The following PALM2AKAP2 variants were observed in gnomAD, a reference collection of about 807,000 sequenced individuals.
PALM2AKAP2 encodes the protein PALM2 and AKAP2 fusion.
Under a neutral mutation model 71.5 loss-of-function variants are expected in PALM2AKAP2, and 37 were observed. The ratio of observed to expected loss-of-function variants is 0.52; its 90% CI spans 0.40 to 0.68. The LOEUF (loss-of-function observed/expected upper bound fraction) is 0.68. Ranked by LOEUF, PALM2AKAP2 falls within the 30% of genes least tolerant of loss-of-function variation. The pLI is 0.00. For missense variants in PALM2AKAP2, 1,224 were observed against 1,191.8 expected, an observed-to-expected ratio of 1.03 and a Z score of -0.40; for synonymous variants, 468 against 478.8, an observed-to-expected ratio of 0.98 and a Z score of 0.29.
chr9:109,994,124 C>T (rs771063406), intron 6 of PALM2AKAP2, among the ~76,000 whole-genome samples: 3 of 152,156 alleles, frequency 2.0e-5, no homozygotes, highest in East Asian at 3.8e-4. Flanking sequence ...GGAGGGAGGA[C>T]GGGAGGAACT....
intron 3 of PALM2AKAP2, among the ~76,000 whole-genome samples, chr9:110,157,174 C>T (rs1367172151): frequency 6.6e-6 from 1 of 152,122 alleles, no homozygotes; most frequent in African/African-American, 2.4e-5. Flanking sequence ...CTACACAGTC[C>T]CAGGAGCCTG....
chr9:110,022,815 G>A (rs1218415629), intron 7 of PALM2AKAP2, among the ~76,000 whole-genome samples: 1 of 151,854 alleles, frequency 6.6e-6, no homozygotes, highest in Non-Finnish European at 1.5e-5. Flanking sequence ...ACCTATGAGT[G>A]AGAACATGTG....
chr9:109,716,207 C>T (rs770692888), intron 1 of PALM2AKAP2, among the ~76,000 whole-genome samples: 14 of 152,222 alleles, frequency 9.2e-5, no homozygotes, highest in Middle Eastern at 6.8e-3. Flanking sequence ...CTCTTTATGT[C>T]GTGTTATACC....
At position 110,048,817 on chromosome 9, in the gene PALM2AKAP2, G is replaced by C. The variant is rs1173604691; in HGVS notation, c.118G>C (p.Glu40Gln). ...GGCCGCGCGGCGCTGGACTGGAGCA[G>C]AACCCCAGGACTGCGCCCCCGGGAG... Residue 40 changes from glutamate (E) to glutamine (Q), a missense_variant, in exon 1 of 4, where the codon GAA (glutamate) becomes CAA (glutamine). By Grantham distance (29) the Glu-to-Gln change is conservative (BLOSUM62 2). Transcript: ENST00000374525. The C allele has an allele frequency of 6.5e-6, 10 of 1,532,744 alleles. No individual in the cohort carries two copies. In the South Asian group the frequency reaches 1.2e-4, roughly 18 times the overall value. The allele number at this position is 1,532,744 out of a possible 1,614,324, so 94.9% of individuals were successfully genotyped here.
chr9:110,107,985 T>A lies in PALM2AKAP2; in HGVS notation c.157-28142T>A, dbSNP rs1835156706. Reference sequence around the variant, plus strand: ...AGTTTTACAAGTGAAATAAGTTTATTTTTTAAACTCCAAGTAGTGGCAGAT... The same window carrying A: ...AGTTTTACAAGTGAAATAAGTTTATATTTTAAACTCCAAGTAGTGGCAGAT... On this transcript the variant is annotated intron_variant, in intron 1 of 3. Transcript: ENST00000374525. Among the ~76,000 whole-genome samples the A allele has an allele frequency of 2.6e-5, 4 of 152,362 alleles. No homozygotes were observed. The South Asian group carries it at 8.3e-4, about 32-fold the overall frequency.
At chr9:109,813,862 A>G (rs913556439) in intron 1 of PALM2AKAP2, among the ~76,000 whole-genome samples, 10 of 152,192 alleles carry the variant, frequency 6.6e-5, no homozygotes, top group African/African-American at 2.4e-4. Flanking sequence ...AGGCAGTGTA[A>G]CACACCACGC....
At chr9:110,105,516 G>T (rs981604272) in intron 1 of PALM2AKAP2, among the ~76,000 whole-genome samples, 5 of 152,132 alleles carry the variant, frequency 3.3e-5, no homozygotes, top group Non-Finnish European at 7.4e-5. Context: ...ACATGTGCAC[G>T]CATACTGTAT....
In PALM2AKAP2 at chr9:109,831,825, C is replaced by CT. The variant is rs368404831; in HGVS notation, c.46-35657dup. The stretch of plus-strand genomic sequence containing the variant: ...ATCTTTCTGATTGCTGCATTAGTCC[C>CT]TTTTTTTTTGTTTATTTTGCTTCTT... On this transcript the variant is annotated intron_variant, in intron 1 of 9. Transcript: ENST00000302798. 1.3e-3 allele frequency among the ~76,000 whole-genome samples: 197 copies of CT among 151,124 alleles called. 1 individual carries two copies. The highest frequency in any genetic ancestry group is 3.4e-3 in the African/African-American group (141 of 41,204).
chr9:110,097,264 T>TGGGGGGG (rs1834870487), intron 1 of PALM2AKAP2, among the ~76,000 whole-genome samples: 1 of 149,684 alleles, frequency 6.7e-6, no homozygotes, highest in Non-Finnish European at 1.5e-5. Context: ...AGCACAGGGT[T>TGGGGGGG]GGGGGTAAGG....
rs576127795 is a variant in PALM2AKAP2, at chr9:109,863,168, A to G, written c.46-4323A>G. On this transcript the variant is annotated intron_variant, in intron 1 of 9. Transcript: ENST00000302798. ...GACTAATAAGGAAACCACTACAGTA[A>G]TCCAGCTGGAGATAAGTTCTGTAAT... 4.6e-5 allele frequency among the ~76,000 whole-genome samples: 7 copies of G among 152,338 alleles called. No individual in the cohort carries two copies. The South Asian group carries it at 1.4e-3, about 32-fold the overall frequency.
chr9:110,041,534 C>T (rs1833512584), intron 7 of PALM2AKAP2, among the ~76,000 whole-genome samples: 1 of 151,956 alleles, frequency 6.6e-6, no homozygotes, highest in African/African-American at 2.4e-5. Context: ...GTCACCATTT[C>T]CTTATGTTTA....
At chr9:109,938,025 G>A (rs1047684939) in intron 6 of PALM2AKAP2, among the ~76,000 whole-genome samples, 1 of 152,204 alleles carries the variant, frequency 6.6e-6, no homozygotes, top group African/African-American at 2.4e-5. Flanking sequence ...GAGACAAAGG[G>A]ATGAAAAGTG....
intron 1 of PALM2AKAP2, among the ~76,000 whole-genome samples, chr9:109,762,436 A>C (rs1469835580): frequency 6.6e-6 from 1 of 152,214 alleles, no homozygotes; most frequent in African/African-American, 2.4e-5. Flanking sequence ...CTAGAGTATA[A>C]GAAAAGTCTT....
intron 7 of PALM2AKAP2, among the ~76,000 whole-genome samples, chr9:110,032,455 G>T (rs1398520344): frequency 6.6e-6 from 1 of 152,128 alleles, no homozygotes; most frequent in Admixed American, 6.6e-5. Flanking sequence ...CACTTTGGGA[G>T]GCTGAGGCGG....
chr9:110,116,063 C>T (rs560245847), intron 1 of PALM2AKAP2, among the ~76,000 whole-genome samples: 47 of 152,296 alleles, frequency 3.1e-4, no homozygotes, highest in Admixed American at 8.5e-4. Context: ...TCCCTGGACT[C>T]AGCTCCCATA....
At chr9:109,974,906 C>G (rs148064001) in intron 6 of PALM2AKAP2, among the ~76,000 whole-genome samples, 21 of 152,324 alleles carry the variant, frequency 1.4e-4, no homozygotes, top group Non-Finnish European at 2.8e-4. Context: ...AAGGTGAGCA[C>G]ATATGTCCCA....
At chr9:109,847,788 T>C (rs1828905099) in intron 1 of PALM2AKAP2, 1 of 152,370 alleles carries the variant, frequency 6.6e-6, no homozygotes, top group Non-Finnish European at 1.5e-5. Context: ...TTCGTGGTTA[T>C]TTGTGTAGCA....
chr9:110,079,178 C>A (rs1360766703), intron 1 of PALM2AKAP2, among the ~76,000 whole-genome samples: 1 of 152,138 alleles, frequency 6.6e-6, no homozygotes, highest in Non-Finnish European at 1.5e-5. Flanking sequence ...GCGAGTGTAT[C>A]TTTCTGGTAT....
At chr9:109,774,687 A>G (rs1340660618) in intron 1 of PALM2AKAP2, among the ~76,000 whole-genome samples, 1 of 152,134 alleles carries the variant, frequency 6.6e-6, no homozygotes, top group Non-Finnish European at 1.5e-5. Context: ...GCCTACATAA[A>G]AGGGTGGATA....
Sources: allele counts gnomAD v4.1 joint callset (sites outside exome capture counted in the v4.1 genomes callset), GRCh38; gene constraint gnomAD v4.1.1; transcripts MANE v1.5; gene names NCBI Gene and HGNC (gene_info 2026-07-23, HGNC 2026-07-21).